ETNK1: variants seen among roughly 807,000 people sequenced by gnomAD.
ETNK1 encodes the protein putative protein product of Nbla10396.
In ETNK1, 8 loss-of-function variants were observed where a neutral mutation model predicts 45.1. That is an observed-to-expected ratio of 0.18 (90% confidence interval 0.10 to 0.32). ETNK1 has a LOEUF of 0.32. Ranked by LOEUF, ETNK1 falls within the 10% of genes least tolerant of loss-of-function variation. The probability of loss-of-function intolerance (pLI) is 1.00; values close to 1 mark genes in which losing one functional copy is unlikely to be tolerated. For missense variants in ETNK1, 302 were observed against 430.6 expected, an observed-to-expected ratio of 0.70 and a Z score of 2.64; for synonymous variants, 152 against 151.9, an observed-to-expected ratio of 1.00 and a Z score of -0.01.
intron 1 of ETNK1, among the ~76,000 whole-genome samples, chr12:22,633,359 G>C (rs759530454): frequency 6.6e-6 from 1 of 152,168 alleles, no homozygotes; most frequent in African/African-American, 2.4e-5. Context: ...GCAAGCCACC[G>C]CACCCGGCCT....
chr12:22,649,291 A>G (rs962994959), intron 2 of ETNK1, among the ~76,000 whole-genome samples: 1 of 152,072 alleles, frequency 6.6e-6, no homozygotes, highest in Non-Finnish European at 1.5e-5. Flanking sequence ...GTCATTGCCA[A>G]ATCCAGGGTC....
chr12:22,664,592 C>T (rs1282728605), intron 4 of ETNK1, among the ~76,000 whole-genome samples: 2 of 152,070 alleles, frequency 1.3e-5, no homozygotes, highest in Non-Finnish European at 2.9e-5. Context: ...TGTAGCATAG[C>T]ATTAACACTT....
At chr12:22,659,813 C>CT (rs2137555526) in intron 3 of ETNK1, among the ~76,000 whole-genome samples, 1 of 152,116 alleles carries the variant, frequency 6.6e-6, no homozygotes, top group East Asian at 1.9e-4. Context: ...CCAAGGTATA[C>CT]TTTAAATCCT....
chr12:22,673,839 A>C lies in ETNK1; in HGVS notation c.945+179A>C, dbSNP rs76887157. On this transcript the variant is annotated intron_variant, in intron 6 of 7. Transcript: ENST00000266517. Reference sequence around the variant, plus strand: ...CATTGCATTAGTTTTAAGGACAAAAATTTTGTTTCATTTCCTGCTATATCC... The same window carrying C: ...CATTGCATTAGTTTTAAGGACAAAACTTTTGTTTCATTTCCTGCTATATCC... Among the ~76,000 whole-genome samples, 1,469 of 152,278 alleles carry C rather than the reference A, an allele frequency of 9.6e-3. 30 individuals carry two copies. Among genetic ancestry groups the C allele is most frequent in the African/African-American group, 0.034 (1,409 of 41,554 alleles).
chr12:22,661,504 A>G (rs1592130190), intron 4 of ETNK1, among the ~76,000 whole-genome samples: 1 of 152,158 alleles, frequency 6.6e-6, no homozygotes, highest in East Asian at 1.9e-4. Context: ...TGCAAAACTT[A>G]TTTGGTTATT....
intron 2 of ETNK1, among the ~76,000 whole-genome samples, chr12:22,652,358 T>A (rs1007259890): frequency 1.3e-5 from 2 of 152,220 alleles, no homozygotes; most frequent in African/African-American, 4.8e-5. Context: ...TTCAGTTCTT[T>A]CGGGTGAATG....
In ETNK1 at chr12:22,688,065, G is replaced by A. The variant is rs142295135; in HGVS notation, c.*3111G>A. The A allele has an allele frequency of 2.6e-5, 4 of 152,150 alleles. No individual in the cohort carries two copies. The highest frequency in any genetic ancestry group is 1.9e-4 in the East Asian group (1 of 5,174). The allele number at this position is 152,150 out of a possible 1,614,324, so 9.4% of individuals were successfully genotyped here. On this transcript the variant is annotated 3_prime_UTR_variant, in exon 8 of 8. Transcript: ENST00000266517. ...TACACTGTTATATTAATAGAGCTCC[G>A]TTCTTTGAGTCATGATTCCAAGCTA...
chr12:22,686,190 A>G lies in ETNK1; in HGVS notation c.*1236A>G, dbSNP rs980377185. On this transcript the variant is annotated 3_prime_UTR_variant, in exon 8 of 8. Transcript: ENST00000266517. ...ATTTCTCTTGTTTTTGTTTAACTGT[A>G]TTTTTAATTTTGTCTGGTGGTAAGA... is the stretch of plus-strand genomic sequence containing the variant. 1 of 152,308 alleles carries G rather than the reference A, an allele frequency of 6.6e-6. No homozygotes were observed. The highest frequency in any genetic ancestry group is 1.5e-5 in the Non-Finnish European group (1 of 67,816). The allele number at this position is 152,308 out of a possible 1,614,324, so 9.4% of individuals were successfully genotyped here.
intron 2 of ETNK1, among the ~76,000 whole-genome samples, chr12:22,649,266 T>G (rs532196870): frequency 1.3e-5 from 2 of 152,188 alleles, no homozygotes; most frequent in Non-Finnish European, 2.9e-5. Context: ...ATGCCTTTGG[T>G]GTCATTTTTA....
chr12:22,633,552 A>G (rs1953611664), intron 1 of ETNK1, among the ~76,000 whole-genome samples: 1 of 152,204 alleles, frequency 6.6e-6, no homozygotes. Context: ...TTGCCATATA[A>G]GTTGTAGACT....
At chr12:22,670,418 G>T (rs1280377007) in intron 4 of ETNK1, among the ~76,000 whole-genome samples, 1 of 148,582 alleles carries the variant, frequency 6.7e-6, no homozygotes. Context: ...TTTTTCTCTC[G>T]AATATAGGAC....
At chr12:22,656,749 A>G in intron 2 of ETNK1, 1 of 982,432 alleles carries the variant, frequency 1.0e-6, no homozygotes, top group Non-Finnish European at 1.2e-6. Context: ...CCCTGGGGTA[A>G]AACTATTAGA....
intron 2 of ETNK1, among the ~76,000 whole-genome samples, chr12:22,658,516 G>T (rs896638510): frequency 1.3e-5 from 2 of 152,134 alleles, no homozygotes; most frequent in African/African-American, 4.8e-5. Context: ...AAATTACTCA[G>T]TGATACTTGT....
chr12:22,660,965 G>A (rs191602847), intron 3 of ETNK1, 98 bp from the exon 4 acceptor site: 31 of 995,738 alleles, frequency 3.1e-5, no homozygotes, highest in South Asian at 4.6e-5. Flanking sequence ...CAGTATGTGC[G>A]ATTAAATTGA....
At chr12:22,642,674 T>TA (rs1409497441) in intron 1 of ETNK1, among the ~76,000 whole-genome samples, 1 of 152,050 alleles carries the variant, frequency 6.6e-6, no homozygotes, top group Non-Finnish European at 1.5e-5. Context: ...CCCTCTTTCT[T>TA]AAGCATTAGT....
At chr12:22,651,569 A>G (rs1039527131) in intron 2 of ETNK1, among the ~76,000 whole-genome samples, 4 of 151,790 alleles carry the variant, frequency 2.6e-5, no homozygotes, top group African/African-American at 9.7e-5. Flanking sequence ...AGTTGTCACC[A>G]TCTTAACCAT....
chr12:22,627,655 A>C (rs1953521356), intron 1 of ETNK1, among the ~76,000 whole-genome samples: 1 of 152,146 alleles, frequency 6.6e-6, no homozygotes, highest in Non-Finnish European at 1.5e-5. Context: ...GAAATAGATA[A>C]GAATCATACC....
At chr12:22,671,841 TAAAAAAAAAA>T (rs555930582) in intron 5 of ETNK1, among the ~76,000 whole-genome samples, 2 of 98,236 alleles carry the variant, frequency 2.0e-5, no homozygotes, top group East Asian at 2.5e-4. Flanking sequence ...TCCATCTCAT[TAAAAAAAAAA>T]AAAAAAAAAA....
intron 1 of ETNK1, among the ~76,000 whole-genome samples, chr12:22,632,241 T>G (rs567433942): frequency 1.6e-4 from 25 of 152,230 alleles, no homozygotes; most frequent in African/African-American, 6.0e-4. Flanking sequence ...AATATTATAT[T>G]AAAACTGAAT....
Sources: allele counts gnomAD v4.1 joint callset (sites outside exome capture counted in the v4.1 genomes callset), GRCh38; gene constraint gnomAD v4.1.1; transcripts MANE v1.5; gene names NCBI Gene and HGNC (gene_info 2026-07-23, HGNC 2026-07-21).